The following USP47 variants were observed in gnomAD, a reference collection of about 807,000 sequenced individuals.
The protein encoded by USP47 is ubiquitin specific peptidase 47.
In USP47, 35 loss-of-function variants were observed where a neutral mutation model predicts 165.1. The observed-to-expected ratio is 0.21, with a 90% CI of 0.16 to 0.28. The LOEUF (loss-of-function observed/expected upper bound fraction) is 0.28. USP47 is among the 10% of genes least tolerant of loss of function. The pLI, the probability that USP47 is intolerant of heterozygous loss-of-function variation, is 1.00. For synonymous variants in USP47, 531 were observed against 544.5 expected (o/e 0.98, Z 0.35); for missense variants, 1,277 against 1,607.4 (o/e 0.79, Z 3.52).
At chr11:11,923,084 A>G (rs1853976803) in intron 11 of USP47, among the ~76,000 whole-genome samples, 193 bp downstream of exon 11, 1 of 133,164 alleles carries the variant, frequency 7.5e-6, no homozygotes, top group Non-Finnish European at 1.6e-5. Context: ...ATATATATAT[A>G]TGACTATAAT....
chr11:11,950,599 T>C (rs1856155111), intron 24 of USP47, 117 bp downstream of exon 24: 1 of 712,158 alleles, frequency 1.4e-6, no homozygotes, highest in Admixed American at 2.7e-5. Context: ...TTATAGTGTT[T>C]TGTGTTATAT....
At chr11:11,923,734 A>G (rs777669922) in intron 11 of USP47, among the ~76,000 whole-genome samples, 2 of 152,224 alleles carry the variant, frequency 1.3e-5, no homozygotes, top group Non-Finnish European at 2.9e-5. Flanking sequence ...CTGTTTTTAG[A>G]CCAAGGCCAT....
chr11:11,939,493 C>T (rs903171065), intron 18 of USP47, among the ~76,000 whole-genome samples: 8 of 152,002 alleles, frequency 5.3e-5, no homozygotes, highest in African/African-American at 1.9e-4. Flanking sequence ...ATTTTGACTT[C>T]TGTATATGAC....
At chr11:11,877,842 TGTGTGTGTGTGTGTGTGCGC>T (rs1850562693) in intron 1 of USP47, among the ~76,000 whole-genome samples, 2 of 92,912 alleles carry the variant, frequency 2.2e-5, no homozygotes, top group East Asian at 3.4e-4. Flanking sequence ...TGTGTGTGTG[TGTGTGTGTGTGTGTGTGCGC>T]GCGCGCAGAT....
At chr11:11,899,355 C>A (rs933446659) in intron 5 of USP47, among the ~76,000 whole-genome samples, 1 of 152,162 alleles carries the variant, frequency 6.6e-6, no homozygotes, top group Non-Finnish European at 1.5e-5. Context: ...AAGAGCATAG[C>A]CAGGGCTATT....
chr11:11,871,395 C>CGGGAGGCT (rs1409948106), intron 1 of USP47, among the ~76,000 whole-genome samples: 1 of 148,700 alleles, frequency 6.7e-6, no homozygotes, highest in Non-Finnish European at 1.5e-5. Flanking sequence ...CCCAGCTACT[C>CGGGAGGCT]GGGAGGCTGA....
chr11:11,864,029 G>T (rs1475642190), intron 1 of USP47, among the ~76,000 whole-genome samples: 1 of 152,074 alleles, frequency 6.6e-6, no homozygotes, highest in Non-Finnish European at 1.5e-5. Context: ...ATTGCTTCTA[G>T]TCCTTTCAGT....
chr11:11,926,371 G>A (rs1269743850), intron 11 of USP47, among the ~76,000 whole-genome samples: 2 of 152,094 alleles, frequency 1.3e-5, no homozygotes, highest in African/African-American at 4.8e-5. Flanking sequence ...TTATAGATGT[G>A]TTCAGATTTT....
At chr11:11,921,191 A>G (rs1323475974) in intron 10 of USP47, among the ~76,000 whole-genome samples, 1 of 151,496 alleles carries the variant, frequency 6.6e-6, no homozygotes, top group African/African-American at 2.4e-5. Flanking sequence ...CACTTAGGCT[A>G]ATTATTTCAA....
intron 4 of USP47, among the ~76,000 whole-genome samples, 170 bp downstream of exon 4, chr11:11,892,276 A>C (rs959371221): frequency 6.6e-6 from 1 of 152,102 alleles, no homozygotes; most frequent in Non-Finnish European, 1.5e-5. Context: ...TTTTCCTTCA[A>C]CCCACTCGTT....
At chr11:11,900,027 G>A (rs1478261665) in intron 5 of USP47, among the ~76,000 whole-genome samples, 1 of 152,038 alleles carries the variant, frequency 6.6e-6, no homozygotes, top group African/African-American at 2.4e-5. Flanking sequence ...TAGTGTAAAA[G>A]GATAGACTAG....
intron 17 of USP47, 66 bp from the exon 18 acceptor site, chr11:11,938,191 A>T: frequency 5.1e-6 from 7 of 1,371,520 alleles, no homozygotes; most frequent in Non-Finnish European, 7.2e-6. Context: ...TTAAGAATGC[A>T]TTACTCATGT....
chr11:11,844,830 T>C (rs960273472), intron 1 of USP47, among the ~76,000 whole-genome samples: 1 of 152,086 alleles, frequency 6.6e-6, no homozygotes, highest in Non-Finnish European at 1.5e-5. Flanking sequence ...AGTGTATAGT[T>C]GTTCAGTGAA....
At chr11:11,883,346 A>G (rs1850950509) in intron 2 of USP47, among the ~76,000 whole-genome samples, 1 of 152,186 alleles carries the variant, frequency 6.6e-6, no homozygotes, top group Non-Finnish European at 1.5e-5. Context: ...TACAAATGTA[A>G]TCTTTTTTAA....
At chr11:11,872,143 G>A (rs949820397) in intron 1 of USP47, among the ~76,000 whole-genome samples, 5 of 152,152 alleles carry the variant, frequency 3.3e-5, no homozygotes, top group Admixed American at 2.6e-4. Flanking sequence ...AAGGCTAGGG[G>A]CTGGAATCGT....
intron 1 of USP47, among the ~76,000 whole-genome samples, chr11:11,875,283 T>C (rs946220285): frequency 7.9e-5 from 12 of 152,188 alleles, no homozygotes; most frequent in Admixed American, 2.6e-4. Context: ...GCTGATGCCA[T>C]TCTGAACATA....
chr11:11,916,183 T>C (rs1853404028), intron 8 of USP47, among the ~76,000 whole-genome samples: 1 of 152,162 alleles, frequency 6.6e-6, no homozygotes, highest in Non-Finnish European at 1.5e-5. Context: ...GCATGGTGGC[T>C]CACGCCTGTA....
chr11:11,872,214 T>A (rs1253838963), intron 1 of USP47, among the ~76,000 whole-genome samples: 1 of 151,378 alleles, frequency 6.6e-6, no homozygotes, highest in Non-Finnish European at 1.5e-5. Context: ...GAGATCTCAT[T>A]TGGGATGTGG....
At chr11:11,887,874 C>T (rs964023280) in intron 3 of USP47, among the ~76,000 whole-genome samples, 1 of 152,102 alleles carries the variant, frequency 6.6e-6, no homozygotes, top group Non-Finnish European at 1.5e-5. Context: ...ACAACAGACT[C>T]TCAGACCATA....
Sources: allele counts gnomAD v4.1 joint callset (sites outside exome capture counted in the v4.1 genomes callset), GRCh38; gene constraint gnomAD v4.1.1; transcripts MANE v1.5; gene names NCBI Gene and HGNC (gene_info 2026-07-23, HGNC 2026-07-21).